Variants in RANBP3L observed in about 807,000 individuals in gnomAD.
RANBP3L encodes the protein RAN binding protein 3 like, also known as ran-binding protein 3-like.
In RANBP3L, 56 loss-of-function variants were observed where a neutral mutation model predicts 67.2. The observed-to-expected ratio is 0.83, with a 90% confidence interval of 0.67 to 1.04. RANBP3L has a LOEUF of 1.04. RANBP3L is among the 50% of genes least tolerant of loss of function. The probability of loss-of-function intolerance (pLI) is 0.00; values close to 1 mark genes in which losing one functional copy is unlikely to be tolerated. For synonymous variants in RANBP3L, 164 were observed against 181.4 expected (o/e 0.90, Z 0.77); for missense variants, 496 against 535.5 (o/e 0.93, Z 0.73).
intron 11 of RANBP3L, among the ~76,000 whole-genome samples, chr5:36,254,564 C>T (rs1748834463): frequency 6.6e-6 from 1 of 151,900 alleles, no homozygotes; most frequent in South Asian, 2.1e-4. Flanking sequence ...TAACTTGGAC[C>T]TGCCTTGGGA....
intron 1 of RANBP3L, among the ~76,000 whole-genome samples, chr5:36,295,673 G>GTTTTT (rs11318481): frequency 8.3e-6 from 1 of 120,556 alleles, no homozygotes; most frequent in Non-Finnish European, 1.7e-5. Flanking sequence ...GTTATATCCT[G>GTTTTT]TTTTTTTTTT....
chr5:36,273,802 G>T (rs963315819), intron 1 of RANBP3L, among the ~76,000 whole-genome samples: 4 of 152,166 alleles, frequency 2.6e-5, no homozygotes, highest in Admixed American at 2.6e-4. Flanking sequence ...ATTGAGAAAT[G>T]ACAATGTACA....
chr5:36,264,902 C>A, intron 6 of RANBP3L, 57 bp downstream of exon 6: 1 of 1,552,750 alleles, frequency 6.4e-7, no homozygotes, highest in South Asian at 1.2e-5. Flanking sequence ...CCCCAAACAA[C>A]CTGCAAAAAG....
At chr5:36,297,564 G>A (rs1752318192) in intron 1 of RANBP3L, among the ~76,000 whole-genome samples, 1 of 152,078 alleles carries the variant, frequency 6.6e-6, no homozygotes, top group South Asian at 2.1e-4. Context: ...AAATTTTAAA[G>A]CACCATAATA....
intron 1 of RANBP3L, among the ~76,000 whole-genome samples, chr5:36,294,751 T>G (rs1255906082): frequency 6.7e-6 from 1 of 150,150 alleles, no homozygotes; most frequent in Non-Finnish European, 1.5e-5. Flanking sequence ...TATATATATA[T>G]GTATAGTGTG....
intron 1 of RANBP3L, among the ~76,000 whole-genome samples, chr5:36,277,426 A>C (rs2362982): frequency 0.047 from 3,273 of 69,616 alleles, 63 homozygotes; most frequent in South Asian, 0.08. Flanking sequence ...CTCTCTCTAT[A>C]TATATATATA....
chr5:36,288,458 T>C (rs1388516612), intron 1 of RANBP3L, among the ~76,000 whole-genome samples: 1 of 152,202 alleles, frequency 6.6e-6, no homozygotes, highest in African/African-American at 2.4e-5. Context: ...TGTGCAAGGC[T>C]TTCGTGGATA....
intron 2 of RANBP3L, 74 bp from the exon 3 acceptor site, chr5:36,270,064 G>T: frequency 1.5e-6 from 2 of 1,366,078 alleles, no homozygotes; most frequent in Non-Finnish European, 2.1e-6. Flanking sequence ...AGTTATTGCA[G>T]TTTTGGCAAT....
chr5:36,275,567 C>T (rs1193439321), intron 1 of RANBP3L, among the ~76,000 whole-genome samples: 1 of 152,032 alleles, frequency 6.6e-6, no homozygotes, highest in African/African-American at 2.4e-5. Context: ...ACGTGAACTT[C>T]GACTCCCTCC....
At chr5:36,254,816 G>C (rs964919034) in intron 11 of RANBP3L, among the ~76,000 whole-genome samples, 1 of 151,990 alleles carries the variant, frequency 6.6e-6, no homozygotes, top group African/African-American at 2.4e-5. Context: ...CTCTCTTTCA[G>C]TTTGGACCTC....
chr5:36,270,316 T>A (rs2111887121), intron 2 of RANBP3L, among the ~76,000 whole-genome samples: 1 of 152,326 alleles, frequency 6.6e-6, no homozygotes, highest in East Asian at 1.9e-4. Flanking sequence ...TTGAGGCACC[T>A]ATTCTCAAGA....
chr5:36,294,581 C>A (rs1752051000), intron 1 of RANBP3L, among the ~76,000 whole-genome samples: 1 of 151,830 alleles, frequency 6.6e-6, no homozygotes, highest in South Asian at 2.1e-4. Flanking sequence ...GAATGAGTCC[C>A]AGAGATTCTT....
intron 1 of RANBP3L, among the ~76,000 whole-genome samples, chr5:36,274,281 A>G (rs188871357): frequency 2.7e-4 from 41 of 152,322 alleles, no homozygotes; most frequent in Non-Finnish European, 2.1e-4. Context: ...AAACAGAACT[A>G]AGTAATTAAT....
intron 1 of RANBP3L, among the ~76,000 whole-genome samples, chr5:36,283,894 T>A (rs1751150570): frequency 6.6e-6 from 1 of 152,172 alleles, no homozygotes; most frequent in Non-Finnish European, 1.5e-5. Flanking sequence ...TATTTCAGCT[T>A]CAGCCCATCC....
chr5:36,278,117 A>C (rs965642573), intron 1 of RANBP3L, among the ~76,000 whole-genome samples: 1 of 152,142 alleles, frequency 6.6e-6, no homozygotes, highest in East Asian at 1.9e-4. Context: ...GGACACAGCC[A>C]AACAATATCA....
chr5:36,296,664 G>A (rs1022855922), intron 1 of RANBP3L, among the ~76,000 whole-genome samples: 11 of 152,200 alleles, frequency 7.2e-5, no homozygotes, highest in African/African-American at 1.9e-4. Context: ...ATACCTGCTC[G>A]TGATTATTAG....
chr5:36,256,996 A>G lies in RANBP3L; in HGVS notation c.848T>C (p.Leu283Ser). ...TGTTATAACATCAATTTTCTCCAGC[A>G]AGCATTTTCGTGATGGTTGGGAAGA... ...AFSSQPSRKC[L>S]LEKIDVITGE... Residue 283 changes from leucine to serine, a missense_variant, in exon 10 of 14, where the codon TTG becomes TCG. Coordinates refer to ENST00000296604, the MANE Select transcript of RANBP3L (RefSeq NM_145000.5). The G allele has an allele frequency of 6.2e-7, 1 of 1,613,072 alleles. No individual in the cohort carries two copies. The highest frequency in any genetic ancestry group is 8.5e-7 in the Non-Finnish European group (1 of 1,179,298).
At chr5:36,300,921 C>A (rs1165107347) in intron 1 of RANBP3L, among the ~76,000 whole-genome samples, 6 of 152,262 alleles carry the variant, frequency 3.9e-5, no homozygotes, top group Admixed American at 6.5e-5. Flanking sequence ...GAGATCCAGA[C>A]AAACTTAGGC....
chr5:36,249,963 T>A (rs1326971484), intron 13 of RANBP3L, among the ~76,000 whole-genome samples: 1 of 151,978 alleles, frequency 6.6e-6, no homozygotes, highest in Admixed American at 6.6e-5. Context: ...TTTTACTGCC[T>A]CCTGGAGAAG....
Sources: allele counts gnomAD v4.1 joint callset (sites outside exome capture counted in the v4.1 genomes callset), GRCh38; gene constraint gnomAD v4.1.1; transcripts MANE v1.5; gene names NCBI Gene and HGNC (gene_info 2026-07-23, HGNC 2026-07-21).